The following MUC6 variants were observed in gnomAD, a reference collection of about 807,000 sequenced individuals.
MUC6 encodes the protein mucin 6, oligomeric mucus/gel-forming (gene/pseudogene).
A neutral mutation model predicts 201.5 loss-of-function variants in MUC6; 188 were observed. The observed-to-expected ratio is 0.93, with a 90% CI of 0.83 to 1.05. The LOEUF is 1.05. Ranked by LOEUF, MUC6 falls within the 50% of genes least tolerant of loss-of-function variation. MUC6 has a pLI of 0.00. For synonymous variants in MUC6, 1,228 were observed against 1,389.4 expected, an observed-to-expected ratio of 0.88 and a Z score of 2.58; for missense variants, 2,706 against 3,256.9, an observed-to-expected ratio of 0.83 and a Z score of 4.12.
At chr11:1,023,041 G>A (rs1856854903) in intron 26 of MUC6, among the ~76,000 whole-genome samples, 1 of 148,786 alleles carries the variant, frequency 6.7e-6, no homozygotes, top group African/African-American at 2.4e-5. Context: ...TTGAGTGAAT[G>A]TGCGTGAATG....
intron 22 of MUC6, 29 bp downstream of exon 22, chr11:1,025,776 G>GCTCA: frequency 2.5e-6 from 4 of 1,587,596 alleles, no homozygotes; most frequent in Non-Finnish European, 3.4e-6. Context: ...CGCCCGTCCT[G>GCTCA]CCCTGCCAGA....
At chr11:1,035,117 C>T (rs1254612399) in intron 1 of MUC6, among the ~76,000 whole-genome samples, 1 of 152,262 alleles carries the variant, frequency 6.6e-6, no homozygotes, top group East Asian at 1.9e-4. Flanking sequence ...CCCGGCCCAC[C>T]GCGGCCCAGG....
At chr11:1,013,655 G>A in intron 32 of MUC6, 22 bp from the exon 33 acceptor site, 1 of 1,551,582 alleles carries the variant, frequency 6.4e-7, no homozygotes, top group South Asian at 1.2e-5. Context: ...TCAAGACAGA[G>A]CAGGGTCATG....
At position 1,028,326 on chromosome 11, in the gene MUC6, G is replaced by A. The variant is rs759189866; in HGVS notation, c.1653C>T (p.Ala551=). ...CCACAAACAGCGAGGCGGTGCCCTC[G>A]GCGATACCCATGCTAGTGGTGAAGT... The part of the protein sequence containing the change: ...TDDFTTSMGI[A]EGTASLFVDS... Residue 551 remains alanine, a synonymous_variant, in exon 14 of 33, where the codon GCC becomes GCT. Transcript: ENST00000421673. 19 of 1,612,354 alleles carry A rather than the reference G, an allele frequency of 1.2e-5. No individual in the cohort carries two copies. Among genetic ancestry groups the A allele is most frequent in the African/African-American group, 2.7e-5 (2 of 74,918 alleles).
chr11:1,027,312 C>A lies in MUC6; in HGVS notation c.2187G>T (p.Lys729Asn), dbSNP rs1165139663. Residue 729 changes from lysine to asparagine, a missense_variant, in exon 17 of 33, where the codon AAG (lysine) becomes AAT (asparagine). By Grantham distance (94) the Lys-to-Asn change is moderately conservative. This residue lies in a region of MUC6 where 1,850 missense variants were observed against 1,958.3 expected (regional missense o/e 0.94). Coordinates refer to ENST00000421673, the MANE Select transcript of MUC6 (RefSeq NM_005961.3). ...AQCPCILEGY[K>N]FILAEQSTVI... is the part of the protein sequence containing the mutation. The stretch of plus-strand genomic sequence containing the variant: ...CAGTGGACTGCTCGGCCAGGATGAA[C>A]TTGTAACCCTCCAGTATGCACGGGC... 1 of 1,612,832 alleles carries A rather than the reference C, an allele frequency of 6.2e-7. No individual in the cohort carries two copies. The highest frequency in any genetic ancestry group is 1.7e-5 in the Admixed American group (1 of 60,010).
chr11:1,029,459 C>T (rs1212838936), intron 9 of MUC6, 36 bp downstream of exon 9: 1 of 1,608,618 alleles, frequency 6.2e-7, no homozygotes, highest in Admixed American at 1.7e-5. Flanking sequence ...GGAACCCCTG[C>T]CGGCCGGCCA....
chr11:1,030,486 C>T lies in MUC6; in HGVS notation c.892+87G>A, dbSNP rs542702259. On this transcript the variant is annotated intron_variant, in intron 7 of 32. Coordinates refer to ENST00000421673, the MANE Select transcript of MUC6 (RefSeq NM_005961.3). Reference sequence around the variant, plus strand: ...TCTCTCAGACCAGGAGGGATGCAGGCGTCACGTCAGGCAGTCCAGGGGCTG... The same window carrying T: ...TCTCTCAGACCAGGAGGGATGCAGGTGTCACGTCAGGCAGTCCAGGGGCTG... 3.8e-5 allele frequency: 54 copies of T among 1,434,602 alleles called. 1 individual carries two copies. The highest frequency in any genetic ancestry group is 3.7e-4 in the South Asian group (27 of 72,482). The allele number at this position is 1,434,602 out of a possible 1,614,324, so 88.9% of individuals were successfully genotyped here.
At chr11:1,022,332 G>A (rs536122148) in intron 26 of MUC6, among the ~76,000 whole-genome samples, 9 of 126,304 alleles carry the variant, frequency 7.1e-5, no homozygotes, top group Non-Finnish European at 1.4e-4. Context: ...CTACAGCCCC[G>A]CACCCCTCCA....
chr11:1,023,812 C>T, intron 25 of MUC6, 135 bp downstream of exon 25: 2 of 1,443,658 alleles, frequency 1.4e-6, no homozygotes, highest in East Asian at 5.0e-5. Flanking sequence ...GCGGGAGGGC[C>T]AGGGTGGCCC....
intron 5 of MUC6, 52 bp downstream of exon 5, chr11:1,031,117 G>GGGGCC: frequency 6.5e-6 from 8 of 1,230,356 alleles, no homozygotes; most frequent in Non-Finnish European, 8.3e-6. Flanking sequence ...CCCCTGCCCT[G>GGGGCC]CCCCCCACCT....
At position 1,019,307 on chromosome 11, in the gene MUC6, G is replaced by T. The variant is rs772581206; in HGVS notation, c.3998C>A (p.Thr1333Asn). The change falls in exon 30 of 33, where the codon ACC (threonine) becomes AAC (asparagine). Residue 1333 changes from threonine to asparagine, a missense_variant. Coordinates refer to ENST00000421673, the MANE Select transcript of MUC6 (RefSeq NM_005961.3). ...STTRTTMTLP[T>N]PATSGTSPTL... Reference sequence around the variant, plus strand: ...GGGGCTTGTCCCTGATGTGGCTGGGGTTGGTAGTGTCATTGTGGTCCGTGT... The same window carrying T: ...GGGGCTTGTCCCTGATGTGGCTGGGTTTGGTAGTGTCATTGTGGTCCGTGT... The T allele has an allele frequency of 1.6e-5, 26 of 1,613,958 alleles. No homozygotes were observed. The highest frequency in any genetic ancestry group is 2.7e-5 in the African/African-American group (2 of 74,936).
rs1857083336 is a variant in MUC6, at chr11:1,030,789, G to GT, written c.685-10_685-9insA. ...TGGGTGCAGATCCGGGCCTGGGGGGGCCACTCAGGGTCATGGGGGCAAAGG... is the reference window on the plus strand; with the variant it reads ...TGGGTGCAGATCCGGGCCTGGGGGGGTCCACTCAGGGTCATGGGGGCAAAGG... On this transcript the variant is annotated splice_polypyrimidine_tract_variant and intron_variant, in intron 6 of 32. Transcript: ENST00000421673. 1 of 1,534,762 alleles carries GT rather than the reference G, an allele frequency of 6.5e-7. No individual in the cohort carries two copies.
rs774994854 is a variant in MUC6, at chr11:1,030,333, C to T, written c.895G>A (p.Val299Met). 4.6e-5 allele frequency: 71 copies of T among 1,547,766 alleles called. No individual in the cohort carries two copies. In the Middle Eastern group the frequency reaches 6.5e-4, roughly 14 times the overall value. ...RRWRSPGLCSVGQCPANQVYQ... is the reference protein window; with the variant it reads ...RRWRSPGLCSMGQCPANQVYQ... ...ACCTGGTTGGCCGGGCACTGACCCA[C>T]GGCTGTGGGCACACGCGGCTCCGGT... The change falls in exon 8 of 33, where the codon GTG becomes ATG. Residue 299 changes from valine to methionine, a missense_variant and splice_region_variant. By Grantham distance (21) the Val-to-Met change is conservative. Around this residue, in one of 10 missense-constraint regions of MUC6, gnomAD observed 1,850 missense variants for 1,958.3 expected, o/e 0.94. Coordinates refer to ENST00000421673, the MANE Select transcript of MUC6 (RefSeq NM_005961.3).
chr11:1,034,925 C>T (rs984846050), intron 1 of MUC6, among the ~76,000 whole-genome samples: 9 of 152,218 alleles, frequency 5.9e-5, no homozygotes, highest in East Asian at 1.9e-4. Context: ...TGAAGTCCAG[C>T]GGGAGACTCC....
chr11:1,031,774 C>A (rs144928463), intron 3 of MUC6, 39 bp downstream of exon 3: 50 of 1,553,158 alleles, frequency 3.2e-5, no homozygotes, highest in Non-Finnish European at 4.1e-5. Flanking sequence ...CTCAGTCCTC[C>A]GGCCCCCGAG....
chr11:1,021,200 G>A lies in MUC6; in HGVS notation c.3589+15C>T. On this transcript the variant is annotated intron_variant, in intron 27 of 32. Coordinates refer to ENST00000421673, the MANE Select transcript of MUC6 (RefSeq NM_005961.3). ...AGGCAGGGGCAGGGTTCTCAGGGCAGCCGACTGGACTTACTGCAGGGCACG... is the reference window on the plus strand; with the variant it reads ...AGGCAGGGGCAGGGTTCTCAGGGCAACCGACTGGACTTACTGCAGGGCACG... The A allele has an allele frequency of 1.3e-6, 2 of 1,562,962 alleles. No individual in the cohort carries two copies. Among genetic ancestry groups the A allele is most frequent in the Non-Finnish European group, 1.7e-6 (2 of 1,158,884 alleles).
chr11:1,030,675 G>T lies in MUC6; in HGVS notation c.790C>A (p.Pro264Thr), dbSNP rs1857080220. The T allele has an allele frequency of 1.3e-6, 2 of 1,549,980 alleles. No individual in the cohort carries two copies. The highest frequency in any genetic ancestry group is 1.7e-6 in the Non-Finnish European group (2 of 1,149,120). ...GCACAACTGCTGTTCTGTGGGCCTG[G>T]CTGGGGGGCTGCGGCCACGTCCGCC... ...CQADVAAAPQ[P>T]GPQNSSCATL... Residue 264 changes from proline to threonine, a missense_variant, in exon 7 of 33, where the codon CCA becomes ACA. Pro to Thr is a conservative substitution (Grantham distance 38). Coordinates refer to ENST00000421673, the MANE Select transcript of MUC6 (RefSeq NM_005961.3).
chr11:1,028,408 C>G, intron 13 of MUC6, 21 bp from the exon 14 acceptor site: 1 of 1,608,662 alleles, frequency 6.2e-7, no homozygotes, highest in Non-Finnish European at 8.5e-7. Context: ...GGGGCGTGAG[C>G]TCGACTTGAA....
chr11:1,022,109 GCAGCCCCGCGC>G, intron 26 of MUC6, among the ~76,000 whole-genome samples: 1 of 117,386 alleles, frequency 8.5e-6, no homozygotes, highest in South Asian at 2.8e-4. Flanking sequence ...TCTGCCCTCT[GCAGCCCCGCGC>G]CCCTCACTCG....
Sources: gnomAD v4.1 joint callset for allele counts (sites outside exome capture counted in the v4.1 genomes callset) on GRCh38, gnomAD v4.1.1 for gene constraint, gnomAD v4.1.1 regional missense constraint, MANE v1.5 for transcripts, NCBI Gene and HGNC (gene_info 2026-07-23, HGNC 2026-07-21) for gene names.